Variants in CCDC134 observed in about 807,000 individuals in gnomAD.
CCDC134 encodes the protein coiled-coil domain containing 134, also known as coiled-coil domain-containing protein 134.
CCDC134 carries 27 observed loss-of-function variants against 25.6 expected under a neutral mutation model. That is an observed-to-expected ratio of 1.05 (90% CI 0.78 to 1.45). CCDC134 has a LOEUF of 1.45. Among genes scored for constraint, CCDC134 ranks in the 40% most tolerant of loss-of-function variants. The pLI, the probability that CCDC134 is intolerant of heterozygous loss-of-function variation, is 0.00. For synonymous variants in CCDC134, 110 were observed against 115.0 expected, an observed-to-expected ratio of 0.96 and a Z score of 0.28; for missense variants, 261 against 286.7, an observed-to-expected ratio of 0.91 and a Z score of 0.65.
chr22:41,808,279 C>G (rs959541771), intron 1 of CCDC134, among the ~76,000 whole-genome samples: 1 of 152,078 alleles, frequency 6.6e-6, no homozygotes, highest in Non-Finnish European at 1.5e-5. Context: ...CCCCTTACCC[C>G]GAGACTGCCC....
At chr22:41,818,783 C>T (rs1487926196) in intron 6 of CCDC134, among the ~76,000 whole-genome samples, 6 of 152,202 alleles carry the variant, frequency 3.9e-5, no homozygotes, top group African/African-American at 1.2e-4. Flanking sequence ...ACAGCCACGG[C>T]CTTCCGTTCT....
intron 6 of CCDC134, among the ~76,000 whole-genome samples, chr22:41,820,181 A>G (rs1001212893): frequency 1.3e-5 from 2 of 149,726 alleles, no homozygotes; most frequent in Admixed American, 6.7e-5. Flanking sequence ...TATTTTTAAT[A>G]TAGACGGGGT....
chr22:41,804,375 A>G (rs1199220557), intron 1 of CCDC134, among the ~76,000 whole-genome samples: 2 of 152,194 alleles, frequency 1.3e-5, no homozygotes, highest in Non-Finnish European at 2.9e-5. Flanking sequence ...AGCAGTGCCA[A>G]TTTTTAATAA....
intron 1 of CCDC134, among the ~76,000 whole-genome samples, chr22:41,802,379 AGGAGTCTCCAGTTGGAGACTG>A (rs138345162): frequency 0.17 from 25,242 of 152,134 alleles, 3,037 homozygotes; most frequent in Admixed American, 0.36. Context: ...GTTGGAGACT[AGGAGTCTCCAGTTGGAGACTG>A]GTGACTAGGA....
chr22:41,825,601 G>C lies in CCDC134; in HGVS notation c.565-97G>C. ...GTGTCTGGGGCAGGGCCTGTGTCCAGGGAACCTTCCTATTCCCACACCCCG... is the reference window on the plus strand; with the variant it reads ...GTGTCTGGGGCAGGGCCTGTGTCCACGGAACCTTCCTATTCCCACACCCCG... On this transcript the variant is annotated intron_variant, in intron 6 of 6. Coordinates refer to ENST00000255784, the MANE Select transcript of CCDC134 (RefSeq NM_024821.5). The surrounding 1 kb of genome is among the most constrained non-coding windows in gnomAD (Gnocchi z 4.4). The C allele has an allele frequency of 6.6e-7, 1 of 1,515,602 alleles. No individual in the cohort carries two copies. The highest frequency in any genetic ancestry group is 1.9e-5 in the Admixed American group (1 of 53,100). 93.9% of individuals were successfully genotyped at this position (1,515,602 alleles called of 1,614,324 possible).
intron 1 of CCDC134, among the ~76,000 whole-genome samples, chr22:41,807,432 T>C (rs2076573549): frequency 6.6e-6 from 1 of 151,892 alleles, no homozygotes; most frequent in South Asian, 2.1e-4. Flanking sequence ...CATGGCGGCA[T>C]GCACCTGTAG....
At position 41,825,190 on chromosome 22, in the gene CCDC134, A is replaced by G. The variant is rs1362136410; in HGVS notation, c.565-508A>G. On this transcript the variant is annotated intron_variant, in intron 6 of 6. Coordinates refer to ENST00000255784, the MANE Select transcript of CCDC134 (RefSeq NM_024821.5). The surrounding 1 kb of genome is among the most constrained non-coding windows in gnomAD (Gnocchi z 4.4). ...CAGAAGCTATGAGTTAGACGAGACA[A>G]TCTGGAGAGAGAGGAGGGAGGACAG... 6.6e-6 allele frequency among the ~76,000 whole-genome samples: 1 copy of G among 152,134 alleles called. No individual in the cohort carries two copies. Among genetic ancestry groups the G allele is most frequent in the East Asian group, 1.9e-4 (1 of 5,166 alleles).
intron 6 of CCDC134, among the ~76,000 whole-genome samples, chr22:41,815,451 C>T (rs147643809): frequency 0.03 from 4,589 of 151,998 alleles, 90 homozygotes; most frequent in Non-Finnish European, 0.048. Context: ...GTGATCCACC[C>T]GCCTCGGCCT....
rs151203017 is a variant in CCDC134, at chr22:41,813,782, A to T, written c.524A>T (p.Asp175Val). Residue 175 changes from aspartate to valine, a missense_variant, in exon 6 of 7, where the codon GAC (aspartate) becomes GTC (valine). Transcript: ENST00000255784. ...CAGGAGCTGGGGATCAGTGAGAAAG[A>T]CTCCAACTTCCAGAACCCATTTAAA... ...MAQELGISEK[D>V]SNFQNPFKID... 6.4e-4 allele frequency: 1,041 copies of T among 1,613,978 alleles called. 16 individuals are homozygous for T. Among genetic ancestry groups the T allele is most frequent in the South Asian group, 3.8e-3 (343 of 91,074 alleles).
rs1569360418 is a variant in CCDC134, at chr22:41,826,996, C to T, written c.*1173C>T. ...TAGCCCTTCAGATTTGCTGACTGGC[C>T]TTGGCCCACCCCTCCCTGTGCTGCA... is the stretch of plus-strand genomic sequence containing the variant. On this transcript the variant is annotated 3_prime_UTR_variant, in exon 7 of 7. Coordinates refer to ENST00000255784, the MANE Select transcript of CCDC134 (RefSeq NM_024821.5). Among the ~76,000 whole-genome samples, 1 of 152,254 alleles carries T rather than the reference C, an allele frequency of 6.6e-6. No homozygotes were observed. Among genetic ancestry groups the T allele is most frequent in the East Asian group, 1.9e-4 (1 of 5,200 alleles).
Position 41,808,989 on chromosome 22 carries a change from GATCTGT to G in CCDC134, c.103_103+5del. 6.2e-7 allele frequency: 1 copy of G among 1,612,692 alleles called. No individual in the cohort carries two copies. The highest frequency in any genetic ancestry group is 8.5e-7 in the Non-Finnish European group (1 of 1,178,772). On this transcript the variant is annotated splice_donor_variant and coding_sequence_variant, in exon 2 of 7. Transcript: ENST00000255784. LOFTEE classifies it high-confidence loss of function. ...GGACCTCCCTGGACCCAAGCCTGGA[GATCTGT>G]ATCCTTTGGGGTTGTAGTTAATGAG...
At chr22:41,803,604 C>T (rs1417827334) in intron 1 of CCDC134, among the ~76,000 whole-genome samples, 3 of 151,676 alleles carry the variant, frequency 2.0e-5, no homozygotes, top group East Asian at 1.9e-4. Context: ...CTCGTCTCTA[C>T]AAAAAATACA....
At position 41,828,284 on chromosome 22, in the gene CCDC134, T is replaced by C. The variant is rs561973722; in HGVS notation, c.*2461T>C. ...GATCCTTGGGCCCCCCATCTCAGAA[T>C]GCCCAGTGGTTGAAAGGATGAAACC... is the stretch of plus-strand genomic sequence containing the variant. On this transcript the variant is annotated 3_prime_UTR_variant, in exon 7 of 7. Coordinates refer to ENST00000255784, the MANE Select transcript of CCDC134 (RefSeq NM_024821.5). Among the ~76,000 whole-genome samples, 1 of 152,262 alleles carries C rather than the reference T, an allele frequency of 6.6e-6. No individual in the cohort carries two copies. Among genetic ancestry groups the C allele is most frequent in the South Asian group, 2.1e-4 (1 of 4,824 alleles).
intron 5 of CCDC134, 150 bp from the exon 6 acceptor site, chr22:41,813,601 G>A (rs2076608240): frequency 1.7e-6 from 2 of 1,175,350 alleles, no homozygotes; most frequent in East Asian, 2.4e-5. Context: ...CCATTTCAAG[G>A]GATTCTGTGC....
chr22:41,801,905 A>T (rs1318597009), intron 1 of CCDC134, among the ~76,000 whole-genome samples: 1 of 152,204 alleles, frequency 6.6e-6, no homozygotes, highest in African/African-American at 2.4e-5. Context: ...AAAGGTTTTG[A>T]AAAGGAAAAA....
intron 6 of CCDC134, among the ~76,000 whole-genome samples, chr22:41,817,507 G>A (rs948323644): frequency 1.3e-5 from 2 of 152,004 alleles, no homozygotes; most frequent in African/African-American, 4.8e-5. Flanking sequence ...CGAGGCAGGC[G>A]GATTGCCTGA....
intron 6 of CCDC134, among the ~76,000 whole-genome samples, chr22:41,821,703 G>A (rs1183404349): frequency 6.6e-6 from 1 of 152,174 alleles, no homozygotes; most frequent in African/African-American, 2.4e-5. Context: ...ATGAGGCCAG[G>A]GGCTAGGTTG....
chr22:41,823,858 T>C (rs908917328), intron 6 of CCDC134, among the ~76,000 whole-genome samples: 2 of 152,240 alleles, frequency 1.3e-5, no homozygotes, highest in Non-Finnish European at 2.9e-5. Flanking sequence ...ACGGGGAGAA[T>C]GTGTGGACTC....
At chr22:41,808,169 AAAATT>A (rs1420421314) in intron 1 of CCDC134, among the ~76,000 whole-genome samples, 1 of 152,064 alleles carries the variant, frequency 6.6e-6, no homozygotes, top group Non-Finnish European at 1.5e-5. Flanking sequence ...TTAAAAAAAA[AAAATT>A]AAATTAAAAT....
Sources: gnomAD v4.1 joint callset for allele counts (sites outside exome capture counted in the v4.1 genomes callset) on GRCh38, gnomAD v4.1.1 for gene constraint, Gnocchi (gnomAD v3.1) non-coding constraint, MANE v1.5 for transcripts, NCBI Gene and HGNC (gene_info 2026-07-23, HGNC 2026-07-21) for gene names.